Variants in AGBL4 observed in about 807,000 individuals in gnomAD.
The protein encoded by AGBL4 is cytosolic carboxypeptidase 6.
AGBL4 carries 58 observed loss-of-function variants against 66.4 expected under a neutral mutation model. The ratio of observed to expected loss-of-function variants is 0.87; its 90% CI spans 0.71 to 1.09. The LOEUF (loss-of-function observed/expected upper bound fraction) is 1.09. Among genes scored for constraint, AGBL4 ranks in the 50% least tolerant of loss-of-function variants. The pLI is 0.00. For missense variants in AGBL4, 579 were observed against 631.0 expected (o/e 0.92, Z 0.88); for synonymous variants, 234 against 222.9 (o/e 1.05, Z -0.44).
At chr1:49,314,543 C>T (rs1004656399) in intron 3 of AGBL4, among the ~76,000 whole-genome samples, 11 of 151,990 alleles carry the variant, frequency 7.2e-5, no homozygotes, top group African/African-American at 2.7e-4. Context: ...CATCCATGTC[C>T]CTGCAAAGGA....
At chr1:48,544,770 C>T (rs12117188) in intron 11 of AGBL4, among the ~76,000 whole-genome samples, 7,630 of 152,210 alleles carry the variant, frequency 0.05, 235 homozygotes, top group East Asian at 0.092. Flanking sequence ...GATTCCCAGC[C>T]AGCCTACAGC....
intron 7 of AGBL4, among the ~76,000 whole-genome samples, chr1:48,660,081 G>T (rs1258584053): frequency 1.3e-5 from 2 of 152,236 alleles, no homozygotes; most frequent in Non-Finnish European, 2.9e-5. Flanking sequence ...TGGCCACAGG[G>T]CCACACAGGA....
At chr1:49,193,473 C>A (rs539498579) in intron 4 of AGBL4, among the ~76,000 whole-genome samples, 1 of 151,240 alleles carries the variant, frequency 6.6e-6, no homozygotes, top group Non-Finnish European at 1.5e-5. Flanking sequence ...CATTCAGGAG[C>A]ATGTTGTTTA....
At chr1:48,562,660 G>T (rs1644413347) in intron 11 of AGBL4, among the ~76,000 whole-genome samples, 1 of 152,184 alleles carries the variant, frequency 6.6e-6, no homozygotes, top group South Asian at 2.1e-4. Flanking sequence ...AACAGAACAA[G>T]TTGGAGAAAA....
At chr1:49,924,111 A>G (rs1652532210) in intron 1 of AGBL4, among the ~76,000 whole-genome samples, 1 of 152,246 alleles carries the variant, frequency 6.6e-6, no homozygotes, top group South Asian at 2.1e-4. Context: ...AATGTGGTAC[A>G]TATATACAAT....
chr1:48,945,238 T>C (rs1656398019), intron 5 of AGBL4, among the ~76,000 whole-genome samples: 1 of 152,200 alleles, frequency 6.6e-6, no homozygotes, highest in African/African-American at 2.4e-5. Context: ...CACATCATAT[T>C]TTCCTTGCAA....
intron 3 of AGBL4, among the ~76,000 whole-genome samples, chr1:49,420,895 C>A (rs1159240283): frequency 6.6e-6 from 1 of 152,126 alleles, no homozygotes; most frequent in Non-Finnish European, 1.5e-5. Context: ...CTATTCCTTA[C>A]TTTAAGGAGT....
At chr1:49,060,223 G>C (rs1644379048) in intron 4 of AGBL4, among the ~76,000 whole-genome samples, 1 of 152,114 alleles carries the variant, frequency 6.6e-6, no homozygotes, top group Non-Finnish European at 1.5e-5. Flanking sequence ...CCATGCTGCT[G>C]TTCTCATGAT....
intron 5 of AGBL4, among the ~76,000 whole-genome samples, chr1:49,010,004 A>G (rs1344891466): frequency 3.3e-5 from 5 of 152,102 alleles, no homozygotes; most frequent in Non-Finnish European, 7.3e-5. Context: ...CTCCTATTCA[A>G]CATAGTGATG....
chr1:49,653,755 A>C lies in AGBL4; in HGVS notation c.282+43558T>G, dbSNP rs556234409. On this transcript the variant is annotated intron_variant, in intron 3 of 13. Coordinates refer to ENST00000371839, the MANE Select transcript of AGBL4 (RefSeq NM_032785.4). The stretch of plus-strand genomic sequence containing the variant: ...GAAGACTGTCTTGCTGAATTATGGA[A>C]GGTAGATGAGATTAGAGAAAAAAGA... Among the ~76,000 whole-genome samples the C allele has an allele frequency of 2.6e-5, 4 of 151,822 alleles. No homozygotes were observed. The South Asian group carries it at 8.3e-4, about 32-fold the overall frequency.
chr1:48,858,324 C>T (rs184661991), intron 6 of AGBL4, among the ~76,000 whole-genome samples: 342 of 152,264 alleles, frequency 2.2e-3, no homozygotes, highest in Non-Finnish European at 3.4e-3. Context: ...AATTCCATTC[C>T]TAGGTACATA....
chr1:49,548,106 G>A (rs1357384390), intron 3 of AGBL4, among the ~76,000 whole-genome samples: 1 of 152,094 alleles, frequency 6.6e-6, no homozygotes, highest in Non-Finnish European at 1.5e-5. Context: ...TCTCTGCTTG[G>A]TTGCTGTCGT....
chr1:49,563,991 G>A (rs1251072088), intron 3 of AGBL4, among the ~76,000 whole-genome samples: 1 of 152,168 alleles, frequency 6.6e-6, no homozygotes, highest in Non-Finnish European at 1.5e-5. Context: ...TTCAGAGCCT[G>A]TTATTGGTCT....
chr1:49,070,617 T>C (rs1644583045), intron 4 of AGBL4, among the ~76,000 whole-genome samples: 1 of 152,008 alleles, frequency 6.6e-6, no homozygotes, highest in Non-Finnish European at 1.5e-5. Context: ...TTTGATGTGC[T>C]GCTGGATTTG....
intron 9 of AGBL4, among the ~76,000 whole-genome samples, chr1:48,605,103 CTT>C (rs1465550466): frequency 6.6e-6 from 1 of 152,146 alleles, no homozygotes; most frequent in African/African-American, 2.4e-5. Flanking sequence ...GAATGCATTG[CTT>C]AAGTTTACAC....
At chr1:49,329,793 T>C (rs1645296998) in intron 3 of AGBL4, among the ~76,000 whole-genome samples, 1 of 152,234 alleles carries the variant, frequency 6.6e-6, no homozygotes, top group African/African-American at 2.4e-5. Flanking sequence ...CTTTCTGAGT[T>C]TGTCATTAAC....
At chr1:50,022,763 A>G (rs949085575) in intron 1 of AGBL4, among the ~76,000 whole-genome samples, 1 of 152,168 alleles carries the variant, frequency 6.6e-6, no homozygotes, top group East Asian at 1.9e-4. Context: ...CATCACACAC[A>G]TATTCCCAAA....
chr1:49,094,462 T>C (rs1197724014), intron 4 of AGBL4, among the ~76,000 whole-genome samples: 1 of 152,120 alleles, frequency 6.6e-6, no homozygotes, highest in African/African-American at 2.4e-5. Context: ...TTTTTGTCGT[T>C]GGTTCTGTTT....
At chr1:49,280,808 G>A (rs1644258153) in intron 3 of AGBL4, among the ~76,000 whole-genome samples, 1 of 152,156 alleles carries the variant, frequency 6.6e-6, no homozygotes, top group Non-Finnish European at 1.5e-5. Context: ...ACACAGATCA[G>A]ACATACATTG....
Sources: allele counts gnomAD v4.1 joint callset (sites outside exome capture counted in the v4.1 genomes callset), GRCh38; gene constraint gnomAD v4.1.1; transcripts MANE v1.5; gene names NCBI Gene and HGNC (gene_info 2026-07-23, HGNC 2026-07-21).